MACROD2: variants seen among roughly 807,000 people sequenced by gnomAD.
MACROD2 encodes the protein mono-ADP ribosylhydrolase 2, also known as ADP-ribose glycohydrolase MACROD2.
MACROD2 carries 36 observed loss-of-function variants against 70.4 expected under a neutral mutation model. The observed-to-expected ratio is 0.51, with a 90% CI of 0.39 to 0.68. MACROD2 has a LOEUF of 0.68. Among genes scored for constraint, MACROD2 ranks in the 30% least tolerant of loss-of-function variants. The pLI is 0.00. For missense variants in MACROD2, 496 were observed against 538.4 expected (o/e 0.92, Z 0.78); for synonymous variants, 172 against 178.8 (o/e 0.96, Z 0.30).
intron 3 of MACROD2, among the ~76,000 whole-genome samples, chr20:14,116,323 C>T (rs1344112937): frequency 6.6e-6 from 1 of 152,204 alleles, no homozygotes; most frequent in Non-Finnish European, 1.5e-5. Flanking sequence ...TTTCTGAGGG[C>T]AGAGACTGCG....
intron 5 of MACROD2, among the ~76,000 whole-genome samples, chr20:15,040,888 A>G (rs145580949): frequency 2.6e-5 from 4 of 152,320 alleles, no homozygotes; most frequent in African/African-American, 9.6e-5. Flanking sequence ...GATCTGAACT[A>G]TGTGTTTATG....
intron 4 of MACROD2, among the ~76,000 whole-genome samples, chr20:14,635,964 CTAAAT>C (rs1010429959): frequency 2.0e-5 from 3 of 152,044 alleles, no homozygotes; most frequent in Non-Finnish European, 4.4e-5. Context: ...TGTTTATAAA[CTAAAT>C]TAGTCTAATG....
In MACROD2 at chr20:14,049,182, A is replaced by AAC. The variant is rs145693549; in HGVS notation, c.164-36438_164-36437insCA. On this transcript the variant is annotated intron_variant, in intron 2 of 17. Coordinates refer to ENST00000684519, the MANE Select transcript of MACROD2 (RefSeq NM_001351661.2). ...ACTAAAAATATATTTAATAAAAAAA[A>AAC]AAAAAAACAAAAAAACAAAAAAGCC... Among the ~76,000 whole-genome samples the AAC allele has an allele frequency of 3.3e-3, 322 of 97,338 alleles. 5 individuals are homozygous for AAC. Among genetic ancestry groups the AAC allele is most frequent in the Non-Finnish European group, 5.1e-3 (209 of 40,908 alleles). The allele number at this position is 97,338 out of a possible 152,430, so 63.9% of individuals were successfully genotyped here. A position where few individuals can be genotyped will look rare whatever the true frequency, so the allele number is the denominator to read the frequency against.
intron 8 of MACROD2, among the ~76,000 whole-genome samples, chr20:15,549,240 T>G: frequency 6.6e-6 from 1 of 152,376 alleles, no homozygotes; most frequent in African/African-American, 2.4e-5. Flanking sequence ...GGGCTAATTC[T>G]TCTTCTAGTT....
At position 14,327,582 on chromosome 20, in the gene MACROD2, GACAGAAA is replaced by G. The variant is rs1417822848; in HGVS notation, c.272-165893_272-165887del. On this transcript the variant is annotated intron_variant, in intron 3 of 17. Transcript: ENST00000684519. ...CCCTAAAATGAAGTGAGTAAAAAAAGACAGAAAACAATAAGGCCAGCATACTGAATAT... is the reference window on the plus strand; with the variant it reads ...CCCTAAAATGAAGTGAGTAAAAAAAGACAATAAGGCCAGCATACTGAATAT... 9 of 1,461,852 alleles carry G rather than the reference GACAGAAA, an allele frequency of 6.2e-6. No homozygotes were observed. The East Asian group carries it at 1.9e-4, about 30-fold the overall frequency. 90.6% of individuals were successfully genotyped at this position (1,461,852 alleles called of 1,614,324 possible). A position where few individuals can be genotyped will look rare whatever the true frequency, so the allele number is the denominator to read the frequency against.
intron 15 of MACROD2, among the ~76,000 whole-genome samples, chr20:16,008,938 G>A (rs1013165785): frequency 7.2e-5 from 11 of 151,804 alleles, no homozygotes; most frequent in South Asian, 2.1e-4. Flanking sequence ...CTCTAAGTGC[G>A]CCCAAGCTAG....
intron 4 of MACROD2, among the ~76,000 whole-genome samples, chr20:14,635,096 A>C (rs1269703945): frequency 6.6e-6 from 1 of 152,224 alleles, no homozygotes; most frequent in Non-Finnish European, 1.5e-5. Flanking sequence ...CGGTGTCCCT[A>C]TAGTTGTCAG....
intron 3 of MACROD2, among the ~76,000 whole-genome samples, chr20:14,295,782 G>A (rs1316513440): frequency 6.6e-6 from 1 of 151,788 alleles, no homozygotes; most frequent in Non-Finnish European, 1.5e-5. Flanking sequence ...AAGACACTGT[G>A]CGACTGAGTC....
chr20:15,978,834 T>C (rs1218780917), intron 13 of MACROD2, among the ~76,000 whole-genome samples: 2 of 152,180 alleles, frequency 1.3e-5, no homozygotes, highest in Non-Finnish European at 2.9e-5. Flanking sequence ...GACTAGAAAG[T>C]GGGAAAACCG....
intron 8 of MACROD2, among the ~76,000 whole-genome samples, chr20:15,537,157 T>C (rs2047887319): frequency 6.6e-6 from 1 of 152,208 alleles, no homozygotes; most frequent in African/African-American, 2.4e-5. Flanking sequence ...TGGTAGTGAA[T>C]AAGTCTCACG....
chr20:14,861,128 G>A (rs1437473478), intron 5 of MACROD2, among the ~76,000 whole-genome samples: 1 of 152,058 alleles, frequency 6.6e-6, no homozygotes, highest in African/African-American at 2.4e-5. Flanking sequence ...TAAAGGAATT[G>A]TTACAAAGTG....
chr20:15,272,950 C>T (rs962229641), intron 6 of MACROD2, among the ~76,000 whole-genome samples: 3 of 152,268 alleles, frequency 2.0e-5, no homozygotes, highest in East Asian at 1.9e-4. Context: ...GGAAGAATTA[C>T]GTTTGCTCAT....
chr20:15,155,437 C>G (rs2076300481), intron 5 of MACROD2, among the ~76,000 whole-genome samples: 1 of 152,200 alleles, frequency 6.6e-6, no homozygotes, highest in Non-Finnish European at 1.5e-5. Context: ...TTCTCCATGA[C>G]TTTCCTTAGC....
chr20:14,900,211 C>A (rs2073879124), intron 5 of MACROD2, among the ~76,000 whole-genome samples: 1 of 152,030 alleles, frequency 6.6e-6, no homozygotes, highest in African/African-American at 2.4e-5. Context: ...GTTTGGTTTA[C>A]TAGGAAATTG....
chr20:14,753,931 T>G (rs920515904), intron 5 of MACROD2, among the ~76,000 whole-genome samples: 3 of 152,076 alleles, frequency 2.0e-5, no homozygotes, highest in Non-Finnish European at 4.4e-5. Context: ...AACTGTGACT[T>G]GATAACAGGA....
At chr20:14,647,411 T>C (rs1363340081) in intron 4 of MACROD2, among the ~76,000 whole-genome samples, 1 of 152,110 alleles carries the variant, frequency 6.6e-6, no homozygotes, top group African/African-American at 2.4e-5. Context: ...TCATTAACCT[T>C]GGGGGTGGTG....
chr20:14,327,477 G>A (rs1250143539), intron 3 of MACROD2: 1 of 1,613,150 alleles, frequency 6.2e-7, no homozygotes, highest in African/African-American at 1.3e-5. Flanking sequence ...TAGTCCCGAT[G>A]AGGAAGATGC....
chr20:14,011,804 C>T (rs1046111574), intron 2 of MACROD2, among the ~76,000 whole-genome samples: 1 of 152,224 alleles, frequency 6.6e-6, no homozygotes, highest in African/African-American at 2.4e-5. Flanking sequence ...GCTGAGATTA[C>T]AGGCCTGAGC....
At chr20:14,877,597 A>G (rs2073564798) in intron 5 of MACROD2, among the ~76,000 whole-genome samples, 2 of 151,978 alleles carry the variant, frequency 1.3e-5, no homozygotes, top group Non-Finnish European at 2.9e-5. Context: ...TTTGTCATAG[A>G]TGGCTCTTGT....
Sources: allele counts gnomAD v4.1 joint callset (sites outside exome capture counted in the v4.1 genomes callset), GRCh38; gene constraint gnomAD v4.1.1; transcripts MANE v1.5; gene names NCBI Gene and HGNC (gene_info 2026-07-23, HGNC 2026-07-21).